EOGT: variants seen among roughly 807,000 people sequenced by gnomAD.
The protein encoded by EOGT is EGF domain-specific O-linked N-acetylglucosamine transferase.
Under a neutral mutation model 70.5 loss-of-function variants are expected in EOGT, and 55 were observed. That is an observed-to-expected ratio of 0.78 (90% CI 0.63 to 0.98). The LOEUF (loss-of-function observed/expected upper bound fraction) is 0.98, where lower values mean the gene tolerates loss of function less well. EOGT is among the 50% of genes least tolerant of loss of function. The probability of loss-of-function intolerance (pLI) is 0.00; values close to 1 mark genes in which losing one functional copy is unlikely to be tolerated. For synonymous variants in EOGT, 246 were observed against 217.1 expected (o/e 1.13, Z -1.17); for missense variants, 703 against 641.9 (o/e 1.10, Z -1.03).
chr3:68,995,221 A>C, intron 10 of EOGT, among the ~76,000 whole-genome samples: 1 of 152,118 alleles, frequency 6.6e-6, no homozygotes, highest in Admixed American at 6.5e-5. Context: ...GTGATGCTTA[A>C]TTTAAGTCCT....
chr3:68,981,260 T>C (rs952543350), intron 15 of EOGT, among the ~76,000 whole-genome samples: 1 of 152,238 alleles, frequency 6.6e-6, no homozygotes. Flanking sequence ...AGACCAGGGC[T>C]ATGCCATCCG....
intron 10 of EOGT, among the ~76,000 whole-genome samples, chr3:68,995,290 A>T (rs1559601461): frequency 6.6e-6 from 1 of 152,150 alleles, no homozygotes; most frequent in East Asian, 1.9e-4. Context: ...TCCCCATCCA[A>T]CCTACCCTGT....
intron 9 of EOGT, among the ~76,000 whole-genome samples, chr3:68,998,910 T>C (rs1455728347): frequency 1.3e-5 from 2 of 151,562 alleles, no homozygotes; most frequent in Admixed American, 6.6e-5. Flanking sequence ...CTGGCAATGA[T>C]GGCAACTAAC....
At chr3:68,993,588 C>A (rs1160712077) in intron 10 of EOGT, among the ~76,000 whole-genome samples, 1 of 152,132 alleles carries the variant, frequency 6.6e-6, no homozygotes, top group Non-Finnish European at 1.5e-5. Context: ...CAAACTGTTC[C>A]AATCGCTGCT....
chr3:68,988,680 C>T (rs963360886), intron 11 of EOGT, 103 bp from the exon 12 acceptor site: 21 of 735,812 alleles, frequency 2.9e-5, no homozygotes, highest in Non-Finnish European at 4.6e-5. Context: ...CTCCATTTTG[C>T]ATTGCTTGAA....
At chr3:69,011,123 A>G (rs1356176688) in intron 3 of EOGT, among the ~76,000 whole-genome samples, 2 of 150,514 alleles carry the variant, frequency 1.3e-5, no homozygotes, top group Non-Finnish European at 3.0e-5. Flanking sequence ...AATCTCTTGG[A>G]CCAGATTTCT....
At chr3:68,990,903 A>G (rs1320623729) in intron 10 of EOGT, among the ~76,000 whole-genome samples, 3 of 5,488 alleles carry the variant, frequency 5.5e-4, no homozygotes, top group African/African-American at 2.2e-3. Context: ...TTAGATGTGA[A>G]AAAAAAAAAA....
Position 68,976,619 on chromosome 3 carries a change from G to A in EOGT, c.*999C>T, listed in dbSNP as rs1188317544. The A allele has an allele frequency of 1.4e-5, 2 of 142,008 alleles. No homozygotes were observed. Among genetic ancestry groups the A allele is most frequent in the Non-Finnish European group, 3.0e-5 (2 of 66,190 alleles). The allele number at this position is 142,008 out of a possible 1,614,324, so 8.8% of individuals were successfully genotyped here. The stretch of plus-strand genomic sequence containing the variant: ...GATCTATAACATGGTCCTATAGCTT[G>A]GTACTGAGAATCACAACTCTGCGTG... On this transcript the variant is annotated 3_prime_UTR_variant, in exon 18 of 18. Coordinates refer to ENST00000383701, the MANE Select transcript of EOGT (RefSeq NM_001278689.2).
chr3:68,993,593 G>A (rs898758026), intron 10 of EOGT, among the ~76,000 whole-genome samples: 16 of 152,040 alleles, frequency 1.1e-4, no homozygotes, highest in East Asian at 5.8e-4. Context: ...TGTTCCAATC[G>A]CTGCTTGCTA....
rs947206846 is a variant in EOGT, at chr3:68,993,046, G to A, written c.832-4029C>T. The stretch of plus-strand genomic sequence containing the variant: ...TTCTTCCTCCTGGGTCTCCAGGCCT[G>A]TGATGGGAAGCGGCCGCCATGAAGG... On this transcript the variant is annotated intron_variant, in intron 10 of 17. Coordinates refer to ENST00000383701, the MANE Select transcript of EOGT (RefSeq NM_001278689.2). Among the ~76,000 whole-genome samples, 9 of 152,360 alleles carry A rather than the reference G, an allele frequency of 5.9e-5. No individual in the cohort carries two copies. In the East Asian group the frequency reaches 1.5e-3, roughly 26 times the overall value.
chr3:68,975,651 CA>C lies in EOGT; in HGVS notation c.*1966del, dbSNP rs1405294508. ...CAGTGGTTACTCAGTATTTTGCACA[CA>C]AAAAACAGTTACAATACCTGCCACT... On this transcript the variant is annotated 3_prime_UTR_variant, in exon 18 of 18. Coordinates refer to ENST00000383701, the MANE Select transcript of EOGT (RefSeq NM_001278689.2). The C allele has an allele frequency of 6.6e-6, 1 of 152,286 alleles. No individual in the cohort carries two copies. Among genetic ancestry groups the C allele is most frequent in the African/African-American group, 2.4e-5 (1 of 41,406 alleles). 9.4% of individuals were successfully genotyped at this position (152,286 alleles called of 1,614,324 possible). A position where few individuals can be genotyped will look rare whatever the true frequency, so the allele number is the denominator to read the frequency against.
chr3:68,986,638 T>G (rs1247424589), intron 14 of EOGT, among the ~76,000 whole-genome samples: 1 of 152,214 alleles, frequency 6.6e-6, no homozygotes, highest in Admixed American at 6.5e-5. Context: ...TTGAATGCCC[T>G]CATGTGAGTA....
intron 10 of EOGT, among the ~76,000 whole-genome samples, chr3:68,989,605 A>G (rs111235326): frequency 0.36 from 54,790 of 151,320 alleles, 10,357 homozygotes; most frequent in East Asian, 0.54. Flanking sequence ...AAAATTAGCC[A>G]GGCATGGTGG....
At position 68,998,916 on chromosome 3, in the gene EOGT, C is replaced by A. The variant is rs554361292; in HGVS notation, c.728-802G>T. Among the ~76,000 whole-genome samples the A allele has an allele frequency of 2.0e-5, 3 of 150,458 alleles. No homozygotes were observed. The East Asian group carries it at 5.9e-4, about 29-fold the overall frequency. On this transcript the variant is annotated intron_variant, in intron 9 of 17. Coordinates refer to ENST00000383701, the MANE Select transcript of EOGT (RefSeq NM_001278689.2). The stretch of plus-strand genomic sequence containing the variant: ...AGGGAAGTACTGGCAATGATGGCAA[C>A]TAACATTTTGGTAATTTTCATTCCT...
chr3:69,012,960 C>A (rs950374719), intron 1 of EOGT, among the ~76,000 whole-genome samples, 161 bp from the exon 2 acceptor site: 1 of 151,826 alleles, frequency 6.6e-6, no homozygotes, highest in Non-Finnish European at 1.5e-5. Flanking sequence ...CACGTGAGAC[C>A]CCGAATGACA....
rs2091522031 is a variant in EOGT at position 69,009,651 on chromosome 3, G to A, written c.196C>T (p.Leu66Phe). ...ATAATACCTACCTTATATGGACAAA[G>A]AGAGTCTTTCCTACAGACAGTGGCA... ...HIATVCRKDS[L>F]CPYKKHLEKL... Residue 66 changes from leucine to phenylalanine, a missense_variant, in exon 4 of 18, where the codon CTT becomes TTT. Coordinates refer to ENST00000383701, the MANE Select transcript of EOGT (RefSeq NM_001278689.2). 3 of 1,613,002 alleles carry A rather than the reference G, an allele frequency of 1.9e-6. No individual in the cohort carries two copies. The highest frequency in any genetic ancestry group is 2.5e-6 in the Non-Finnish European group (3 of 1,179,054).
At chr3:68,997,867 A>G (rs781133453) in intron 10 of EOGT, 144 bp downstream of exon 10, 47 of 573,836 alleles carry the variant, frequency 8.2e-5, no homozygotes, top group Non-Finnish European at 1.4e-4. Flanking sequence ...ATATATGTAC[A>G]GATACATTCG....
intron 15 of EOGT, among the ~76,000 whole-genome samples, chr3:68,981,435 T>C (rs965780455): frequency 2.0e-5 from 3 of 152,218 alleles, no homozygotes; most frequent in African/African-American, 7.2e-5. Flanking sequence ...TGCTGGGATA[T>C]GTATACTTCT....
intron 17 of EOGT, 125 bp from the exon 18 acceptor site, chr3:68,977,889 T>C: frequency 2.1e-6 from 2 of 956,816 alleles, no homozygotes; most frequent in Non-Finnish European, 3.0e-6. Flanking sequence ...ACCAGCAAAC[T>C]TTTCCTGATA....
Sources: allele counts gnomAD v4.1 joint callset (sites outside exome capture counted in the v4.1 genomes callset), GRCh38; gene constraint gnomAD v4.1.1; transcripts MANE v1.5; gene names NCBI Gene and HGNC (gene_info 2026-07-23, HGNC 2026-07-21).